NAALADL2: variants seen among roughly 807,000 people sequenced by gnomAD.
NAALADL2 encodes inactive N-acetylated-alpha-linked acidic dipeptidase-like protein 2.
NAALADL2 carries 76 observed loss-of-function variants against 87.2 expected under a neutral mutation model. The ratio of observed to expected loss-of-function variants is 0.87; its 90% CI spans 0.72 to 1.05. The LOEUF (loss-of-function observed/expected upper bound fraction) is 1.05, where lower values mean the gene tolerates loss of function less well. Among genes scored for constraint, NAALADL2 ranks in the 50% least tolerant of loss-of-function variants. NAALADL2 has a pLI of 0.00. For missense variants in NAALADL2, 1,089 were observed against 945.8 expected (o/e 1.15, Z -1.99); for synonymous variants, 354 against 331.0 (o/e 1.07, Z -0.75).
intron 1 of NAALADL2, among the ~76,000 whole-genome samples, chr3:174,505,515 A>G (rs1347326492): frequency 6.6e-6 from 1 of 152,180 alleles, no homozygotes; most frequent in African/African-American, 2.4e-5. Context: ...CTATTTTCTT[A>G]AGACCTAGCT....
chr3:174,855,976 GTGTGTATATA>G (rs1190661681), upstream of NAALADL2, among the ~76,000 whole-genome samples: 4 of 85,536 alleles, frequency 4.7e-5, no homozygotes, highest in African/African-American at 2.3e-4. Context: ...GTGTGTGTGT[GTGTGTATATA>G]TATATATATA....
chr3:174,804,594 G>C (rs1376902519), intron 3 of NAALADL2, among the ~76,000 whole-genome samples: 1 of 152,184 alleles, frequency 6.6e-6, no homozygotes, highest in East Asian at 1.9e-4. Flanking sequence ...TCTGATACTG[G>C]CTGTGGGTTT....
At chr3:175,324,035 A>AAAC in intron 4 of NAALADL2, 140 bp from the exon 5 acceptor site, 2 of 649,622 alleles carry the variant, frequency 3.1e-6, no homozygotes, top group African/African-American at 4.1e-5. Context: ...AAACAAAAAA[A>AAAC]AAAAAAAAGA....
chr3:174,718,926 G>A (rs138525704), intron 2 of NAALADL2, among the ~76,000 whole-genome samples: 427 of 152,280 alleles, frequency 2.8e-3, no homozygotes, highest in Middle Eastern at 0.017. Flanking sequence ...GAAAAAAAAT[G>A]CAGTCTTTTT....
At chr3:174,644,603 C>G (rs1180217665) in intron 2 of NAALADL2, among the ~76,000 whole-genome samples, 1 of 152,030 alleles carries the variant, frequency 6.6e-6, no homozygotes, top group Non-Finnish European at 1.5e-5. Flanking sequence ...CAAGAGTCAA[C>G]TGTAGCATTA....
At chr3:175,748,350 C>A (rs757363718) in intron 12 of NAALADL2, among the ~76,000 whole-genome samples, 1 of 152,178 alleles carries the variant, frequency 6.6e-6, no homozygotes, top group Non-Finnish European at 1.5e-5. Context: ...TGGCTGAAAT[C>A]ATATTGGCAA....
At chr3:174,850,848 A>G (rs1240125780) in intron 3 of NAALADL2, among the ~76,000 whole-genome samples, 1 of 152,114 alleles carries the variant, frequency 6.6e-6, no homozygotes, top group Admixed American at 6.5e-5. Flanking sequence ...TCAATGATAG[A>G]CCATATATAA....
chr3:175,754,612 C>T (rs1747023595), intron 12 of NAALADL2, among the ~76,000 whole-genome samples: 1 of 152,158 alleles, frequency 6.6e-6, no homozygotes, highest in Non-Finnish European at 1.5e-5. Flanking sequence ...CATATAGTAA[C>T]ATATCTCAGG....
intron 3 of NAALADL2, among the ~76,000 whole-genome samples, chr3:174,837,038 A>T (rs116818169): frequency 0.098 from 14,927 of 152,208 alleles, 816 homozygotes; most frequent in Middle Eastern, 0.13. Flanking sequence ...AAATGCCTAC[A>T]TTAAAAAATC....
intron 5 of NAALADL2, among the ~76,000 whole-genome samples, chr3:175,402,144 C>A (rs1190965402): frequency 6.6e-6 from 1 of 151,666 alleles, no homozygotes; most frequent in African/African-American, 2.4e-5. Flanking sequence ...CTTTAATGAC[C>A]AGGTATGTGT....
chr3:175,140,941 T>C (rs985463852), intron 2 of NAALADL2, among the ~76,000 whole-genome samples: 1 of 152,106 alleles, frequency 6.6e-6, no homozygotes, highest in Non-Finnish European at 1.5e-5. Flanking sequence ...CAAGGAATTA[T>C]GGGGCAGGTA....
intron 1 of NAALADL2, among the ~76,000 whole-genome samples, chr3:175,019,097 C>T (rs1324673960): frequency 6.6e-6 from 1 of 152,002 alleles, no homozygotes; most frequent in Non-Finnish European, 1.5e-5. Flanking sequence ...ACCACTCCTG[C>T]TGAGCTGACT....
intron 2 of NAALADL2, among the ~76,000 whole-genome samples, chr3:174,663,169 A>G (rs1725664179): frequency 6.6e-6 from 1 of 152,166 alleles, no homozygotes; most frequent in African/African-American, 2.4e-5. Flanking sequence ...TTATATAAAT[A>G]TACTAGTGAA....
At chr3:174,521,829 G>A (rs1245091179) in intron 1 of NAALADL2, among the ~76,000 whole-genome samples, 1 of 152,050 alleles carries the variant, frequency 6.6e-6, no homozygotes, top group Non-Finnish European at 1.5e-5. Flanking sequence ...TTATCTGCTG[G>A]ATACATTGTT....
chr3:175,692,063 A>G (rs1737119838), intron 11 of NAALADL2, among the ~76,000 whole-genome samples: 2 of 151,816 alleles, frequency 1.3e-5, no homozygotes, highest in South Asian at 2.1e-4. Flanking sequence ...CAAGTTGTAT[A>G]CCTCTTATAT....
chr3:175,647,397 G>A (rs924639328), intron 11 of NAALADL2, among the ~76,000 whole-genome samples: 1 of 152,078 alleles, frequency 6.6e-6, no homozygotes, highest in Non-Finnish European at 1.5e-5. Flanking sequence ...ATTGATTTAA[G>A]TTGCTAGTTG....
intron 1 of NAALADL2, among the ~76,000 whole-genome samples, chr3:174,940,560 T>A (rs1371062285): frequency 1.3e-5 from 2 of 151,980 alleles, no homozygotes; most frequent in Non-Finnish European, 1.5e-5. Context: ...CTCTTCAATT[T>A]TTTTTTGGAA....
intron 2 of NAALADL2, among the ~76,000 whole-genome samples, chr3:175,105,986 C>T (rs1448214094): frequency 1.3e-5 from 2 of 152,038 alleles, no homozygotes; most frequent in African/African-American, 4.8e-5. Context: ...TTAGTTTCAG[C>T]TTCAGGAAGA....
At chr3:174,854,200 A>G (rs1048873068) in intron 3 of NAALADL2, among the ~76,000 whole-genome samples, 1 of 152,230 alleles carries the variant, frequency 6.6e-6, no homozygotes, top group Non-Finnish European at 1.5e-5. Context: ...TTATTCAACC[A>G]TAAAAAGAAT....
Sources: gnomAD v4.1 joint callset for allele counts (sites outside exome capture counted in the v4.1 genomes callset) on GRCh38, gnomAD v4.1.1 for gene constraint, MANE v1.5 for transcripts, NCBI Gene and HGNC (gene_info 2026-07-23, HGNC 2026-07-21) for gene names.